Variants in PARD6G observed in about 807,000 individuals in gnomAD.
The protein encoded by PARD6G is partitioning defective 6 homolog gamma.
Under a neutral mutation model 10.7 loss-of-function variants are expected in PARD6G, and 7 were observed. The ratio of observed to expected loss-of-function variants is 0.66; its 90% confidence interval spans 0.37 to 1.23. The LOEUF (loss-of-function observed/expected upper bound fraction) is 1.23, where lower values mean the gene tolerates loss of function less well. Ranked by LOEUF, PARD6G falls within the 50% of genes most tolerant of loss-of-function variation. The pLI is 0.02. For synonymous variants in PARD6G, 287 were observed against 269.4 expected (o/e 1.07, Z -0.64); for missense variants, 548 against 571.8 (o/e 0.96, Z 0.42).
intron 1 of PARD6G, among the ~76,000 whole-genome samples, chr18:80,205,323 G>A (rs1347309039): frequency 1.3e-5 from 2 of 152,090 alleles, no homozygotes; most frequent in Admixed American, 6.5e-5. Flanking sequence ...AGTTTTATGC[G>A]GTATCTTTCA....
intron 1 of PARD6G, among the ~76,000 whole-genome samples, chr18:80,222,619 C>A (rs2145295329): frequency 6.6e-6 from 1 of 152,226 alleles, no homozygotes; most frequent in Admixed American, 6.5e-5. Flanking sequence ...GTATAAACGA[C>A]CAGGGGAACC....
chr18:80,230,333 G>C (rs11659836), intron 1 of PARD6G, among the ~76,000 whole-genome samples: 39,849 of 152,260 alleles, frequency 0.26, 6,901 homozygotes, highest in Non-Finnish European at 0.39. Context: ...TAGGAAAAGA[G>C]AGTGCAACAG....
At position 80,247,380 on chromosome 18, in the gene PARD6G, C is replaced by G; in HGVS notation, c.-32G>C. On this transcript the variant is annotated 5_prime_UTR_variant, in exon 1 of 3. Coordinates refer to ENST00000353265, the MANE Select transcript of PARD6G (RefSeq NM_032510.4). This position sits in a 1 kb window ranked among gnomAD's most constrained non-coding sequence, Gnocchi z 4.2. The stretch of plus-strand genomic sequence containing the variant: ...GGCCCCGGTCAGCCTCGCCGTCGCC[C>G]TCGCTCCTCAGGGGCCGCAGAAAGA... 1.3e-6 allele frequency: 2 copies of G among 1,532,574 alleles called. No individual in the cohort carries two copies. The highest frequency in any genetic ancestry group is 1.2e-5 in the South Asian group (1 of 83,748). 94.9% of individuals were successfully genotyped at this position (1,532,574 alleles called of 1,614,324 possible). A position where few individuals can be genotyped will look rare whatever the true frequency, so the allele number is the denominator to read the frequency against.
At chr18:80,186,059 C>T (rs1180656966) in intron 2 of PARD6G, among the ~76,000 whole-genome samples, 1 of 146,014 alleles carries the variant, frequency 6.8e-6, no homozygotes, top group Non-Finnish European at 1.5e-5. Context: ...CACACGCATG[C>T]ACCCACACAG....
Position 80,183,184 on chromosome 18 carries a change from T to G in PARD6G, c.295+19526A>C. The G allele has an allele frequency of 2.8e-6, 2 of 702,868 alleles. No individual in the cohort carries two copies. The highest frequency in any genetic ancestry group is 2.0e-5 in the Admixed American group (1 of 49,996). The allele number at this position is 702,868 out of a possible 1,614,324, so 43.5% of individuals were successfully genotyped here. On this transcript the variant is annotated intron_variant, in intron 2 of 2. Transcript: ENST00000353265. This position sits in a 1 kb window ranked among gnomAD's most constrained non-coding sequence, Gnocchi z 4.5. ...AAATTAGTGAAGAAGTGGAGGGCCT[T>G]GCAATGTGAAAGGGTGGGAGAGAGA...
At chr18:80,205,719 T>G (rs540623869) in intron 1 of PARD6G, among the ~76,000 whole-genome samples, 2 of 152,218 alleles carry the variant, frequency 1.3e-5, no homozygotes, top group Non-Finnish European at 2.9e-5. Context: ...CCATGCTTCC[T>G]GTGCAGCCTG....
intron 1 of PARD6G, among the ~76,000 whole-genome samples, chr18:80,245,543 G>A (rs775428589): frequency 6.6e-6 from 1 of 152,144 alleles, no homozygotes; most frequent in Non-Finnish European, 1.5e-5. Flanking sequence ...CAGTGTGCTA[G>A]TCACACGAGA....
intron 1 of PARD6G, among the ~76,000 whole-genome samples, chr18:80,244,095 C>CT (rs1192079484): frequency 6.6e-6 from 1 of 152,148 alleles, no homozygotes; most frequent in Non-Finnish European, 1.5e-5. Context: ...TTACCGCCCC[C>CT]TGTAAACCCC....
rs1467460525 is a variant in PARD6G at position 80,219,302 on chromosome 18, G to A, written c.73-16370C>T. ...CAGCTCACTGCAACCTCTGCCTCCC[G>A]GGTTCAAGGGATTCTCCTGCCTCAG... is the stretch of plus-strand genomic sequence containing the variant. On this transcript the variant is annotated intron_variant, in intron 1 of 2. Transcript: ENST00000353265. 2.6e-5 allele frequency among the ~76,000 whole-genome samples: 4 copies of A among 152,132 alleles called. No individual in the cohort carries two copies. The East Asian group carries it at 5.8e-4, about 22-fold the overall frequency.
chr18:80,176,575 C>T (rs1458410948), intron 2 of PARD6G, among the ~76,000 whole-genome samples: 1 of 152,098 alleles, frequency 6.6e-6, no homozygotes. Context: ...TTAATGTTGG[C>T]CAGGGTGGGG....
In PARD6G at chr18:80,189,978, T is replaced by C. The variant is rs1163450800; in HGVS notation, c.295+12732A>G. ...GTGTTGTGTAACCACCACCACCACC[T>C]AATTCTGGAACACTTCATCACCCCA... On this transcript the variant is annotated intron_variant, in intron 2 of 2. Coordinates refer to ENST00000353265, the MANE Select transcript of PARD6G (RefSeq NM_032510.4). This position sits in a 1 kb window ranked among gnomAD's most constrained non-coding sequence, Gnocchi z 5.5. Among the ~76,000 whole-genome samples the C allele has an allele frequency of 1.3e-5, 2 of 152,162 alleles. No homozygotes were observed. Among genetic ancestry groups the C allele is most frequent in the Admixed American group, 1.3e-4 (2 of 15,276 alleles).
chr18:80,218,037 T>A (rs1295056589), intron 1 of PARD6G, among the ~76,000 whole-genome samples: 2 of 151,986 alleles, frequency 1.3e-5, no homozygotes, highest in Non-Finnish European at 2.9e-5. Context: ...TCCCACCAGA[T>A]CCCTCTCATG....
chr18:80,220,047 C>G (rs1568440506), intron 1 of PARD6G, among the ~76,000 whole-genome samples: 1 of 152,154 alleles, frequency 6.6e-6, no homozygotes, highest in Non-Finnish European at 1.5e-5. Flanking sequence ...ATGCCCAAGA[C>G]TGAGTAATTT....
At chr18:80,164,481 C>T (rs559747667) in intron 2 of PARD6G, among the ~76,000 whole-genome samples, 4 of 152,346 alleles carry the variant, frequency 2.6e-5, no homozygotes, top group South Asian at 2.1e-4. Flanking sequence ...CTGCTCTTCA[C>T]GTCACAACTG....
chr18:80,163,010 T>C (rs1310759697), intron 2 of PARD6G, among the ~76,000 whole-genome samples: 1 of 152,260 alleles, frequency 6.6e-6, no homozygotes, highest in East Asian at 1.9e-4. Context: ...TGTGGATCCA[T>C]GGGGCCGCAG....
intron 1 of PARD6G, among the ~76,000 whole-genome samples, chr18:80,233,757 T>C (rs1967386547): frequency 6.6e-6 from 1 of 152,132 alleles, no homozygotes; most frequent in Non-Finnish European, 1.5e-5. Context: ...CTTGAGGGCT[T>C]ATGCACAGGC....
In PARD6G at chr18:80,158,710, T is replaced by C. The variant is rs757225556; in HGVS notation, c.*1061A>G. ...TAAAAATACAAAAATTAGCTGGGTA[T>C]GGTGGCATGTGCCTGTCCCAGCTCC... On this transcript the variant is annotated 3_prime_UTR_variant, in exon 3 of 3. Coordinates refer to ENST00000353265, the MANE Select transcript of PARD6G (RefSeq NM_032510.4). 1 of 152,338 alleles carries C rather than the reference T, an allele frequency of 6.6e-6. No individual in the cohort carries two copies. Among genetic ancestry groups the C allele is most frequent in the Non-Finnish European group, 1.5e-5 (1 of 68,186 alleles). The allele number at this position is 152,338 out of a possible 1,614,324, so 9.4% of individuals were successfully genotyped here.
At chr18:80,194,123 G>C (rs1966927120) in intron 2 of PARD6G, among the ~76,000 whole-genome samples, 2 of 152,168 alleles carry the variant, frequency 1.3e-5, no homozygotes. Flanking sequence ...AACTAATATA[G>C]GTATACAATT....
intron 1 of PARD6G, among the ~76,000 whole-genome samples, chr18:80,245,432 C>T (rs1967533284): frequency 6.6e-6 from 1 of 152,156 alleles, no homozygotes; most frequent in African/African-American, 2.4e-5. Context: ...CTGCTCTGCA[C>T]CTTGATTGTG....
Sources: gnomAD v4.1 joint callset for allele counts (sites outside exome capture counted in the v4.1 genomes callset) on GRCh38, gnomAD v4.1.1 for gene constraint, Gnocchi (gnomAD v3.1) non-coding constraint, MANE v1.5 for transcripts, NCBI Gene and HGNC (gene_info 2026-07-23, HGNC 2026-07-21) for gene names.